Variants in LMNA observed in about 807,000 individuals in gnomAD.
LMNA encodes lamin.
In LMNA, 20 loss-of-function variants were observed where a neutral mutation model predicts 70.4. The ratio of observed to expected loss-of-function variants is 0.28; its 90% CI spans 0.20 to 0.41. The LOEUF (loss-of-function observed/expected upper bound fraction) is 0.41. Among genes scored for constraint, LMNA ranks in the 10% least tolerant of loss-of-function variants. The pLI is 1.00. For missense variants in LMNA, 652 were observed against 917.2 expected (o/e 0.71, Z 3.73); for synonymous variants, 339 against 372.8 (o/e 0.91, Z 1.04).
chr1:156,138,205 C>A lies in LMNA; in HGVS notation c.1699-283C>A. 1 of 574,654 alleles carries A rather than the reference C, an allele frequency of 1.7e-6. No individual in the cohort carries two copies. Among genetic ancestry groups the A allele is most frequent in the Non-Finnish European group, 3.1e-6 (1 of 321,996 alleles). The allele number at this position is 574,654 out of a possible 1,614,324, so 35.6% of individuals were successfully genotyped here. A position where few individuals can be genotyped will look rare whatever the true frequency, so the allele number is the denominator to read the frequency against. On this transcript the variant is annotated intron_variant, in intron 10 of 11. Transcript: ENST00000368300. The surrounding 1 kb of genome is among the most constrained non-coding windows in gnomAD (Gnocchi z 5.5). ...GCTGCCCTACAAGCTTGCTCCCGTT[C>A]TCTCTTCTTTTCCTCTTAAGCTCAG... is the stretch of plus-strand genomic sequence containing the variant.
intron 3 of LMNA, among the ~76,000 whole-genome samples, chr1:156,105,883 C>CCGAGGCAGGCGGATCA (rs1649314594): frequency 6.6e-6 from 1 of 152,084 alleles, no homozygotes. Context: ...CTTTGGGAGG[C>CCGAGGCAGGCGGATCA]CGAGGCAGGC....
At chr1:156,091,913 C>CA (rs960085049) in intron 3 of LMNA, among the ~76,000 whole-genome samples, 4 of 150,922 alleles carry the variant, frequency 2.7e-5, no homozygotes, top group African/African-American at 9.8e-5. Context: ...CCCATCTCTA[C>CA]AAAAAAAAAT....
chr1:156,135,334 C>G lies in LMNA; in HGVS notation c.936+22C>G. On this transcript the variant is annotated intron_variant, in intron 5 of 11. Coordinates refer to ENST00000368300, the MANE Select transcript of LMNA (RefSeq NM_170707.4). This position sits in a 1 kb window ranked among gnomAD's most constrained non-coding sequence, Gnocchi z 4.8. ...GCAGGTGATACCCCACCTCACCCCT[C>G]TCTCCAGGGGCCTAGAGTCTGGGCC... 3 of 1,607,362 alleles carry G rather than the reference C, an allele frequency of 1.9e-6. No individual in the cohort carries two copies. Among genetic ancestry groups the G allele is most frequent in the Non-Finnish European group, 2.5e-6 (3 of 1,176,686 alleles).
At chr1:156,133,298 T>C (rs935904950) in intron 2 of LMNA, among the ~76,000 whole-genome samples, 4 of 151,284 alleles carry the variant, frequency 2.6e-5, no homozygotes, top group African/African-American at 7.3e-5. Context: ...TACGGCTGGG[T>C]GTGGTGGCTC....
At chr1:156,110,752 G>T (rs1278463597), upstream of LMNA, among the ~76,000 whole-genome samples, 28 of 152,182 alleles carry the variant, frequency 1.8e-4, no homozygotes, top group Non-Finnish European at 3.1e-4. Flanking sequence ...AAGGCAGGCA[G>T]ATCATCTGAG....
rs1443516350 is a variant in LMNA at position 156,135,031 on chromosome 1, A to T, written c.810+56A>T. Reference sequence around the variant, plus strand: ...CTCTGCCCTTGGCAGCCCTACCCTTACCCACGCTGGGCTATGCCTTCTGGG... The same window carrying T: ...CTCTGCCCTTGGCAGCCCTACCCTTTCCCACGCTGGGCTATGCCTTCTGGG... On this transcript the variant is annotated intron_variant, in intron 4 of 11. Coordinates refer to ENST00000368300, the MANE Select transcript of LMNA (RefSeq NM_170707.4). The surrounding 1 kb of genome is among the most constrained non-coding windows in gnomAD (Gnocchi z 4.8). 1 of 1,612,012 alleles carries T rather than the reference A, an allele frequency of 6.2e-7. No homozygotes were observed. Among genetic ancestry groups the T allele is most frequent in the Non-Finnish European group, 8.5e-7 (1 of 1,178,648 alleles).
intron 1 of LMNA, among the ~76,000 whole-genome samples, chr1:156,118,673 G>C (rs1649994539): frequency 1.3e-5 from 2 of 152,166 alleles, no homozygotes; most frequent in Non-Finnish European, 2.9e-5. Flanking sequence ...GAGTGAGGTA[G>C]AGAAGTGGGT....
At chr1:156,122,707 G>A (rs900577670) in intron 1 of LMNA, among the ~76,000 whole-genome samples, 5 of 152,218 alleles carry the variant, frequency 3.3e-5, no homozygotes, top group Non-Finnish European at 5.9e-5. Context: ...GGGCTAGGGC[G>A]AAGGCCTAGG....
intron 1 of LMNA, chr1:156,126,210 A>G: frequency 6.6e-7 from 1 of 1,523,246 alleles, no homozygotes; most frequent in Non-Finnish European, 8.8e-7. Context: ...GGCAATGGGG[A>G]ACTCTGAGGG....
Position 156,135,955 on chromosome 1 carries a change from C to G in LMNA, c.991C>G (p.Arg331Gly). ...CCTGGAGGACTCACTGGCCCGTGAG[C>G]GGGACACCAGCCGGCGGCTGCTGGC... The part of the protein sequence containing the change: ...RDLEDSLARE[R>G]DTSRRLLAEK... The change falls in exon 6 of 12, where the codon CGG becomes GGG. Residue 331 changes from arginine (R) to glycine (G), a missense_variant. Arg to Gly is a moderately radical substitution (Grantham distance 125). This residue lies in a region of LMNA where 38 missense variants were observed against 32.5 expected (regional missense o/e 1.17). Coordinates refer to ENST00000368300, the MANE Select transcript of LMNA (RefSeq NM_170707.4). This position sits in a 1 kb window ranked among gnomAD's most constrained non-coding sequence, Gnocchi z 4.8. 6.2e-7 allele frequency: 1 copy of G among 1,613,856 alleles called. No homozygotes were observed. Among genetic ancestry groups the G allele is most frequent in the Non-Finnish European group, 8.5e-7 (1 of 1,179,994 alleles).
At position 156,136,694 on chromosome 1, in the gene LMNA, T is replaced by C. The variant is rs1651668596; in HGVS notation, c.1381-227T>C. On this transcript the variant is annotated intron_variant, in intron 7 of 11. Transcript: ENST00000368300. The surrounding 1 kb of genome is among the most constrained non-coding windows in gnomAD (Gnocchi z 6.1). Reference sequence around the variant, plus strand: ...GGGGATGAATACTGATCCCTAAGTCTTTGAGTTGTCAGGAAGATGAAAGAT... The same window carrying C: ...GGGGATGAATACTGATCCCTAAGTCCTTGAGTTGTCAGGAAGATGAAAGAT... 1 of 670,200 alleles carries C rather than the reference T, an allele frequency of 1.5e-6. No individual in the cohort carries two copies. Among genetic ancestry groups the C allele is most frequent in the Non-Finnish European group, 2.7e-6 (1 of 373,306 alleles). 41.5% of individuals were successfully genotyped at this position (670,200 alleles called of 1,614,324 possible). A position where few individuals can be genotyped will look rare whatever the true frequency, so the allele number is the denominator to read the frequency against.
chr1:156,126,599 C>T (rs1470070296), intron 1 of LMNA: 2 of 915,992 alleles, frequency 2.2e-6, no homozygotes, highest in South Asian at 2.7e-5. Flanking sequence ...GGGAGCCGGA[C>T]TTCCTTGTCC....
intron 2 of LMNA, among the ~76,000 whole-genome samples, chr1:156,089,765 G>A (rs945691652): frequency 6.6e-6 from 1 of 152,124 alleles, no homozygotes; most frequent in Non-Finnish European, 1.5e-5. Flanking sequence ...CTTCTCCCCT[G>A]GGACTACACT....
intron 2 of LMNA, among the ~76,000 whole-genome samples, chr1:156,086,295 T>A (rs1648471937): frequency 6.6e-6 from 1 of 152,188 alleles, no homozygotes; most frequent in Non-Finnish European, 1.5e-5. Flanking sequence ...TTGAAGTCAC[T>A]TCTAGGTCTA....
At chr1:156,126,510 C>A in intron 1 of LMNA, 1 of 682,650 alleles carries the variant, frequency 1.5e-6, no homozygotes, top group Admixed American at 2.1e-5. Context: ...GCGCCTGGCC[C>A]GGTGCCCACC....
intron 1 of LMNA, among the ~76,000 whole-genome samples, chr1:156,127,520 T>C (rs963453521): frequency 7.5e-6 from 1 of 133,790 alleles, no homozygotes; most frequent in Non-Finnish European, 1.6e-5. Flanking sequence ...TTTTTTTTTT[T>C]TTTTTTTTTT....
At chr1:156,122,083 C>T (rs533734098) in intron 1 of LMNA, among the ~76,000 whole-genome samples, 24 of 152,046 alleles carry the variant, frequency 1.6e-4, no homozygotes, top group African/African-American at 4.8e-4. Flanking sequence ...CCAGCCAGGG[C>T]GACAGAGCAA....
Position 156,115,409 on chromosome 1 carries a change from A to T in LMNA, c.356+135A>T, listed in dbSNP as rs546094469. 3 of 787,330 alleles carry T rather than the reference A, an allele frequency of 3.8e-6. No homozygotes were observed. In the African/African-American group the frequency reaches 5.1e-5, roughly 13 times the overall value. 48.8% of individuals were successfully genotyped at this position (787,330 alleles called of 1,614,324 possible). ...TTGCCATAGTCTCCTCCCTCCCCGGAACTGCCCCCAGCGGGTGACTGGCAG... is the reference window on the plus strand; with the variant it reads ...TTGCCATAGTCTCCTCCCTCCCCGGTACTGCCCCCAGCGGGTGACTGGCAG... On this transcript the variant is annotated intron_variant, in intron 1 of 11. Transcript: ENST00000368300. The surrounding 1 kb of genome is among the most constrained non-coding windows in gnomAD (Gnocchi z 5.8).
At position 156,117,193 on chromosome 1, in the gene LMNA, G is replaced by T. The variant is rs555978743; in HGVS notation, c.356+1919G>T. Among the ~76,000 whole-genome samples the T allele has an allele frequency of 1.2e-4, 18 of 150,718 alleles. No individual in the cohort carries two copies. The South Asian group carries it at 3.6e-3, about 30-fold the overall frequency. On this transcript the variant is annotated intron_variant, in intron 1 of 11. Transcript: ENST00000368300. ...GATCCACCTGCCTCGGCCTCCCAAA[G>T]TGCTGGGATTACAGGTGTGAGCTAC...
Sources: gnomAD v4.1 joint callset for allele counts (sites outside exome capture counted in the v4.1 genomes callset) on GRCh38, gnomAD v4.1.1 for gene constraint, gnomAD v4.1.1 regional missense constraint, Gnocchi (gnomAD v3.1) non-coding constraint, MANE v1.5 for transcripts, NCBI Gene and HGNC (gene_info 2026-07-23, HGNC 2026-07-21) for gene names.